The following ROCK2 variants were observed in gnomAD, a reference collection of about 807,000 sequenced individuals.
ROCK2 encodes rho-associated protein kinase 2.
Under a neutral mutation model 195.1 loss-of-function variants are expected in ROCK2, and 61 were observed. That is an observed-to-expected ratio of 0.31 (90% CI 0.25 to 0.39). The LOEUF is 0.39. ROCK2 is among the 10% of genes least tolerant of loss of function. ROCK2 has a pLI of 1.00. For synonymous variants in ROCK2, 504 were observed against 545.5 expected, an observed-to-expected ratio of 0.92 and a Z score of 1.06; for missense variants, 1,109 against 1,637.4, an observed-to-expected ratio of 0.68 and a Z score of 5.57.
chr2:11,231,758 A>G (rs1665020135), intron 5 of ROCK2, among the ~76,000 whole-genome samples: 1 of 152,180 alleles, frequency 6.6e-6, no homozygotes, highest in Admixed American at 6.5e-5. Context: ...TTTATCAATT[A>G]TATAATTTAA....
At chr2:11,336,871 G>A (rs962012809) in intron 1 of ROCK2, among the ~76,000 whole-genome samples, 1 of 152,240 alleles carries the variant, frequency 6.6e-6, no homozygotes, top group East Asian at 1.9e-4. Flanking sequence ...AAAAGCAAAG[G>A]AGAATATCTT....
intron 3 of ROCK2, among the ~76,000 whole-genome samples, chr2:11,283,549 C>A: frequency 9.2e-6 from 1 of 108,232 alleles, no homozygotes; most frequent in African/African-American, 3.6e-5. Flanking sequence ...GCCTGGGCGA[C>A]AGAGCGAGAC....
intron 1 of ROCK2, among the ~76,000 whole-genome samples, chr2:11,292,943 T>C (rs1667405532): frequency 6.6e-6 from 1 of 152,134 alleles, no homozygotes; most frequent in Non-Finnish European, 1.5e-5. Context: ...CTCCCCCTTC[T>C]CCCTCTTCCT....
At chr2:11,238,245 T>TGTGTGTGTGTGTGTGTGTGTGTTG (rs11377542) in intron 4 of ROCK2, among the ~76,000 whole-genome samples, 1 of 38,428 alleles carries the variant, frequency 2.6e-5, no homozygotes, top group African/African-American at 7.2e-5. Flanking sequence ...TGTGTGTCTG[T>TGTGTGTGTGTGTGTGTGTGTGTTG]TGTGTGTGTC....
chr2:11,214,306 C>T, intron 17 of ROCK2, 51 bp downstream of exon 17: 1 of 1,034,738 alleles, frequency 9.7e-7, no homozygotes, highest in Admixed American at 2.1e-5. Flanking sequence ...CTTTTCTAAC[C>T]TGAAAGTCTA....
rs189885253 is a variant in ROCK2, at chr2:11,224,381, A to T, written c.948T>A (p.Pro316=). ...CATGTTTGGAAATTTCTGCATCTTC[A>T]GGGAAACACAGTGAATTCTTATGAT... ...IMDHKNSLCF[P]EDAEISKHAK... Residue 316 remains proline, a synonymous_variant, in exon 7 of 33, where the codon CCT becomes CCA. Transcript: ENST00000315872. The T allele has an allele frequency of 1.5e-5, 25 of 1,613,332 alleles. No individual in the cohort carries two copies. In the African/African-American group the frequency reaches 3.2e-4, roughly 21 times the overall value.
At chr2:11,291,550 T>TA (rs11417989) in intron 1 of ROCK2, among the ~76,000 whole-genome samples, 108,649 of 150,326 alleles carry the variant, frequency 0.72, 40,842 homozygotes, top group East Asian at 0.94. Flanking sequence ...GACTCTGTCT[T>TA]AAAAAAAAAA....
At chr2:11,187,257 G>C (rs567751815) in intron 32 of ROCK2, among the ~76,000 whole-genome samples, 2 of 152,322 alleles carry the variant, frequency 1.3e-5, no homozygotes, top group South Asian at 4.1e-4. Context: ...AAATAGAAAA[G>C]CTCAAAACAA....
chr2:11,324,975 C>T (rs1668504898), intron 1 of ROCK2, among the ~76,000 whole-genome samples: 1 of 152,226 alleles, frequency 6.6e-6, no homozygotes, highest in South Asian at 2.1e-4. Flanking sequence ...GAAATGCTCA[C>T]AAGAAGCACG....
intron 1 of ROCK2, among the ~76,000 whole-genome samples, chr2:11,299,785 G>C (rs1229915917): frequency 6.6e-6 from 1 of 152,166 alleles, no homozygotes; most frequent in Non-Finnish European, 1.5e-5. Context: ...AATTTTCATG[G>C]AAAAGTAAAA....
intron 5 of ROCK2, chr2:11,234,629 A>C (rs1169830152): frequency 1.3e-5 from 2 of 152,132 alleles, no homozygotes; most frequent in Non-Finnish European, 2.9e-5. Context: ...TAGGGATATT[A>C]AGTTCTAGCT....
intron 1 of ROCK2, among the ~76,000 whole-genome samples, chr2:11,339,542 C>A (rs7602879): frequency 0.096 from 13,942 of 144,880 alleles, 1,180 homozygotes; most frequent in African/African-American, 0.22. Context: ...AAAAAAAAAA[C>A]AAAAAAAAAA....
At chr2:11,273,521 G>C (rs1666721375) in intron 3 of ROCK2, among the ~76,000 whole-genome samples, 1 of 152,096 alleles carries the variant, frequency 6.6e-6, no homozygotes, top group South Asian at 2.1e-4. Context: ...ACAGAACTGA[G>C]GGAGAAATAG....
chr2:11,270,478 T>A (rs1666587416), intron 3 of ROCK2, among the ~76,000 whole-genome samples: 1 of 152,232 alleles, frequency 6.6e-6, no homozygotes, highest in Non-Finnish European at 1.5e-5. Context: ...TGTATTCCCA[T>A]TACACATATT....
intron 1 of ROCK2, among the ~76,000 whole-genome samples, chr2:11,315,336 G>T (rs1477953882): frequency 6.6e-6 from 1 of 151,842 alleles, no homozygotes; most frequent in Non-Finnish European, 1.5e-5. Flanking sequence ...AGAGTGTTTT[G>T]TTGTTGTTGT....
At chr2:11,329,517 T>A (rs1668652698) in intron 1 of ROCK2, among the ~76,000 whole-genome samples, 1 of 152,054 alleles carries the variant, frequency 6.6e-6, no homozygotes, top group Non-Finnish European at 1.5e-5. Context: ...TGTTATATTT[T>A]ATGACTTCCC....
chr2:11,181,224 AATAGG>A lies in ROCK2; in HGVS notation c.*2208_*2212del, dbSNP rs994632473. The A allele has an allele frequency of 2.0e-5, 3 of 147,776 alleles. No homozygotes were observed. Among genetic ancestry groups the A allele is most frequent in the South Asian group, 2.1e-4 (1 of 4,722 alleles). 9.2% of individuals were successfully genotyped at this position (147,776 alleles called of 1,614,324 possible). A position where few individuals can be genotyped will look rare whatever the true frequency, so the allele number is the denominator to read the frequency against. On this transcript the variant is annotated 3_prime_UTR_variant, in exon 33 of 33. Transcript: ENST00000315872. ...TATATATATATACTCTCCAATTCAG[AATAGG>A]ATAGAACCTCCCATAATGTAACAAA... is the stretch of plus-strand genomic sequence containing the variant.
At chr2:11,274,076 A>T (rs143336637) in intron 3 of ROCK2, among the ~76,000 whole-genome samples, 2 of 152,234 alleles carry the variant, frequency 1.3e-5, no homozygotes, top group African/African-American at 4.8e-5. Context: ...TGAAAACAAC[A>T]CAACAAAAAA....
At chr2:11,238,209 A>AGTGT (rs6146630) in intron 4 of ROCK2, among the ~76,000 whole-genome samples, 2,581 of 135,350 alleles carry the variant, frequency 0.019, 84 homozygotes, top group African/African-American at 0.058. Context: ...ATTGAGAAAG[A>AGTGT]GTGTGTGTGT....
Sources: allele counts gnomAD v4.1 joint callset (sites outside exome capture counted in the v4.1 genomes callset), GRCh38; gene constraint gnomAD v4.1.1; transcripts MANE v1.5; gene names NCBI Gene and HGNC (gene_info 2026-07-23, HGNC 2026-07-21).